P2RY14: variants seen among roughly 807,000 people sequenced by gnomAD.
P2RY14 encodes purinergic receptor P2Y14.
Under a neutral mutation model 0.9 loss-of-function variants are expected in P2RY14, and 2 were observed. The observed-to-expected ratio is 2.16, with a 90% confidence interval of 0.88 to 6.79. P2RY14 has a LOEUF of 6.79. Among genes scored for constraint, P2RY14 ranks in the 30% most tolerant of loss-of-function variants. P2RY14 has a pLI of 0.05. For missense variants in P2RY14, 378 were observed against 400.1 expected, an observed-to-expected ratio of 0.94 and a Z score of 0.47; for synonymous variants, 158 against 147.2, an observed-to-expected ratio of 1.07 and a Z score of -0.53.
At chr3:151,251,458 T>C (rs1339880901) in intron 1 of P2RY14, among the ~76,000 whole-genome samples, 2 of 152,152 alleles carry the variant, frequency 1.3e-5, no homozygotes, top group Non-Finnish European at 2.9e-5. Context: ...CTGTGTTCCC[T>C]GCCTTCAATC....
At chr3:151,225,647 C>A (rs574003614) in intron 1 of P2RY14, among the ~76,000 whole-genome samples, 2 of 152,328 alleles carry the variant, frequency 1.3e-5, no homozygotes, top group South Asian at 4.1e-4. Flanking sequence ...GCTGTCTCAT[C>A]CGTGTTCTGC....
In P2RY14 at chr3:151,213,283, T is replaced by C. The variant is rs1192829933; in HGVS notation, c.*17A>G. 2 of 1,563,438 alleles carry C rather than the reference T, an allele frequency of 1.3e-6. 1 individual carries two copies. Among genetic ancestry groups the C allele is most frequent in the South Asian group, 2.5e-5 (2 of 81,516 alleles). The stretch of plus-strand genomic sequence containing the variant: ...ACAACATGCACACGTGGTCTTTCTT[T>C]GGAAGAGGGTAGGAACTCACAAAGT... On this transcript the variant is annotated 3_prime_UTR_variant, in exon 3 of 3. Transcript: ENST00000309170.
At chr3:151,249,919 A>G (rs1736505454) in intron 1 of P2RY14, among the ~76,000 whole-genome samples, 1 of 152,154 alleles carries the variant, frequency 6.6e-6, no homozygotes, top group Admixed American at 6.6e-5. Flanking sequence ...TATAGCATCA[A>G]CTTTTCCCAT....
intron 1 of P2RY14, among the ~76,000 whole-genome samples, chr3:151,258,766 C>T (rs1213746521): frequency 1.3e-5 from 2 of 149,532 alleles, no homozygotes; most frequent in African/African-American, 2.5e-5. Flanking sequence ...GCAGGAGAAT[C>T]GCTTGAACTT....
chr3:151,272,595 C>T (rs947416470), intron 1 of P2RY14, among the ~76,000 whole-genome samples: 3 of 152,116 alleles, frequency 2.0e-5, no homozygotes, highest in Admixed American at 6.5e-5. Flanking sequence ...AGTGCATACT[C>T]GGGAAAGGTT....
intron 2 of P2RY14, among the ~76,000 whole-genome samples, chr3:151,217,832 G>A (rs1025637183): frequency 2.0e-5 from 3 of 151,994 alleles, no homozygotes; most frequent in East Asian, 3.9e-4. Flanking sequence ...ACTGTCTTAC[G>A]GGTTCAAGTG....
At chr3:151,269,723 A>G (rs753082864) in intron 1 of P2RY14, 18 of 422,546 alleles carry the variant, frequency 4.3e-5, no homozygotes, top group African/African-American at 3.6e-4. Flanking sequence ...TAGTTTGAAA[A>G]TAAAGTTCTC....
Position 151,260,905 on chromosome 3 carries a change from C to T in P2RY14, c.-133+17382G>A, listed in dbSNP as rs184169058. On this transcript the variant is annotated intron_variant, in intron 1 of 2. Coordinates refer to ENST00000309170, the MANE Select transcript of P2RY14 (RefSeq NM_014879.4). ...AAGTCAACATTTATCTTTATCTTGA[C>T]GGCGTCACATCCATTTTTCTGGCCT... Among the ~76,000 whole-genome samples the T allele has an allele frequency of 1.1e-4, 17 of 152,174 alleles. No individual in the cohort carries two copies. In the East Asian group the frequency reaches 1.9e-3, roughly 17 times the overall value.
intron 1 of P2RY14, among the ~76,000 whole-genome samples, chr3:151,243,593 C>T (rs1209909796): frequency 6.6e-6 from 1 of 151,882 alleles, no homozygotes; most frequent in Non-Finnish European, 1.5e-5. Context: ...ACCAGGCCTG[C>T]CCTAAAAGAG....
chr3:151,235,836 T>C (rs925104009), intron 1 of P2RY14, among the ~76,000 whole-genome samples: 2 of 152,130 alleles, frequency 1.3e-5, no homozygotes, highest in Admixed American at 6.5e-5. Context: ...AATGTCACCT[T>C]CTCAGCAAGG....
chr3:151,217,118 T>C (rs1378786633), intron 2 of P2RY14, among the ~76,000 whole-genome samples: 1 of 152,230 alleles, frequency 6.6e-6, no homozygotes, highest in East Asian at 1.9e-4. Context: ...TATATAGTTA[T>C]ATGGTGAAAT....
chr3:151,259,166 T>G (rs1237721038), intron 1 of P2RY14, among the ~76,000 whole-genome samples: 3 of 152,236 alleles, frequency 2.0e-5, no homozygotes, highest in Non-Finnish European at 4.4e-5. Flanking sequence ...ATATTTCAAC[T>G]CTTTGTGTTT....
At chr3:151,264,652 G>T (rs764218997) in intron 1 of P2RY14, among the ~76,000 whole-genome samples, 6 of 152,224 alleles carry the variant, frequency 3.9e-5, no homozygotes, top group Non-Finnish European at 7.3e-5. Context: ...AATGCTGGGA[G>T]CAGGAGCCTC....
chr3:151,269,990 A>G (rs745965264), intron 1 of P2RY14: 5 of 274,972 alleles, frequency 1.8e-5, no homozygotes, highest in South Asian at 3.8e-5. Flanking sequence ...GGTTTTCAAT[A>G]TGGATGATGA....
chr3:151,272,055 C>T lies in P2RY14; in HGVS notation c.-133+6232G>A, dbSNP rs184329241. On this transcript the variant is annotated intron_variant, in intron 1 of 2. Coordinates refer to ENST00000309170, the MANE Select transcript of P2RY14 (RefSeq NM_014879.4). ...CACAAAACTTGCTCTTGAAGCAATACAGATGTTGAGCATACACAGAGCAGA... is the reference window on the plus strand; with the variant it reads ...CACAAAACTTGCTCTTGAAGCAATATAGATGTTGAGCATACACAGAGCAGA... Among the ~76,000 whole-genome samples, 29 of 152,288 alleles carry T rather than the reference C, an allele frequency of 1.9e-4. No homozygotes were observed. The East Asian group carries it at 5.6e-3, about 29-fold the overall frequency.
intron 1 of P2RY14, among the ~76,000 whole-genome samples, chr3:151,222,329 G>A (rs1729531342): frequency 6.6e-6 from 1 of 152,146 alleles, no homozygotes; most frequent in African/African-American, 2.4e-5. Context: ...AGACATGATT[G>A]GTTTTGAAAT....
At chr3:151,242,528 G>A (rs1734408119) in intron 1 of P2RY14, among the ~76,000 whole-genome samples, 1 of 152,252 alleles carries the variant, frequency 6.6e-6, no homozygotes, top group African/African-American at 2.4e-5. Flanking sequence ...ACACAGCAGG[G>A]TATTCCAACA....
chr3:151,231,224 A>G (rs1168495620), intron 1 of P2RY14, among the ~76,000 whole-genome samples: 1 of 152,262 alleles, frequency 6.6e-6, no homozygotes, highest in East Asian at 1.9e-4. Flanking sequence ...GAAGAAGGGT[A>G]GAATTTAGGA....
intron 1 of P2RY14, among the ~76,000 whole-genome samples, chr3:151,243,450 G>T (rs1046036347): frequency 3.9e-5 from 6 of 151,934 alleles, no homozygotes; most frequent in African/African-American, 1.5e-4. Flanking sequence ...GAAGAGAGTG[G>T]GGGCCAATAT....
Sources: gnomAD v4.1 joint callset for allele counts (sites outside exome capture counted in the v4.1 genomes callset) on GRCh38, gnomAD v4.1.1 for gene constraint, MANE v1.5 for transcripts, NCBI Gene and HGNC (gene_info 2026-07-23, HGNC 2026-07-21) for gene names.